The following PLEKHG1 variants were observed in gnomAD, a reference collection of about 807,000 sequenced individuals.
PLEKHG1 encodes pleckstrin homology and RhoGEF domain containing G1, also known as pleckstrin homology domain-containing family G member 1.
A neutral mutation model predicts 100.8 loss-of-function variants in PLEKHG1; 44 were observed. The observed-to-expected ratio is 0.44, with a 90% CI of 0.34 to 0.56. The LOEUF (loss-of-function observed/expected upper bound fraction) is 0.56, where lower values mean the gene tolerates loss of function less well. PLEKHG1 is among the 20% of genes least tolerant of loss of function. The pLI is 0.01. For missense variants in PLEKHG1, 1,545 were observed against 1,720.9 expected (o/e 0.90, Z 1.81); for synonymous variants, 640 against 662.5 (o/e 0.97, Z 0.52).
At chr6:150,773,808 T>C (rs1346572222) in intron 3 of PLEKHG1, among the ~76,000 whole-genome samples, 1 of 152,258 alleles carries the variant, frequency 6.6e-6, no homozygotes, top group African/African-American at 2.4e-5. Context: ...ATCTTTACAT[T>C]ACTGTCATCC....
chr6:150,806,836 A>C (rs1050710298), intron 7 of PLEKHG1, among the ~76,000 whole-genome samples: 7 of 138,716 alleles, frequency 5.0e-5, no homozygotes, highest in Non-Finnish European at 1.1e-4. Context: ...TCTCAAAAAA[A>C]AAAAAAAAAA....
chr6:150,650,898 C>T (rs1778702837), intron 3 of PLEKHG1, 112 bp downstream of exon 2: 1 of 152,154 alleles, frequency 6.6e-6, no homozygotes, highest in African/African-American at 2.4e-5. Context: ...CTGTAAGTCA[C>T]ATTTTTCGAT....
At chr6:150,732,046 C>T (rs888679736) in intron 1 of PLEKHG1, among the ~76,000 whole-genome samples, 2 of 150,568 alleles carry the variant, frequency 1.3e-5, no homozygotes, top group Admixed American at 6.7e-5. Context: ...ACTGCAAGCT[C>T]CGCCTCCCGG....
chr6:150,685,360 CA>C (rs1780082500), intron 3 of PLEKHG1, among the ~76,000 whole-genome samples: 1 of 152,132 alleles, frequency 6.6e-6, no homozygotes, highest in African/African-American at 2.4e-5. Flanking sequence ...CCCTGAGCAG[CA>C]ATCCGCTGAA....
intron 3 of PLEKHG1, among the ~76,000 whole-genome samples, chr6:150,710,440 C>A (rs1025164921): frequency 6.6e-6 from 1 of 152,054 alleles, no homozygotes; most frequent in Non-Finnish European, 1.5e-5. Context: ...ATAACCACAC[C>A]TTTTAAGGAC....
chr6:150,713,414 G>C (rs1027644527), intron 3 of PLEKHG1, among the ~76,000 whole-genome samples: 2 of 152,164 alleles, frequency 1.3e-5, no homozygotes, highest in African/African-American at 4.8e-5. Context: ...ACTTGGTACA[G>C]GAGACCAAGT....
chr6:150,701,437 AT>A lies in PLEKHG1; in HGVS notation c.-98-32146del, dbSNP rs1780775131. On this transcript the variant is annotated intron_variant, in intron 3 of 3. Coordinates refer to the PLEKHG1 transcript ENST00000367326. ...ATTCTTTATATATATATATATATAT[AT>A]ATATATATATATATATATATATATA... is the stretch of plus-strand genomic sequence containing the variant. Among the ~76,000 whole-genome samples the A allele has an allele frequency of 7.4e-5, 5 of 67,794 alleles. 1 individual carries two copies. Among genetic ancestry groups the A allele is most frequent in the African/African-American group, 6.9e-4 (5 of 7,252 alleles). The allele number at this position is 67,794 out of a possible 152,430, so 44.5% of individuals were successfully genotyped here.
At chr6:150,740,539 C>T (rs753610696) in intron 2 of PLEKHG1, among the ~76,000 whole-genome samples, 26 of 152,198 alleles carry the variant, frequency 1.7e-4, no homozygotes, top group Non-Finnish European at 3.8e-4. Context: ...TTATTGGACA[C>T]TTCTTACAAG....
At chr6:150,748,405 G>A (rs1425123033) in intron 2 of PLEKHG1, among the ~76,000 whole-genome samples, 1 of 145,164 alleles carries the variant, frequency 6.9e-6, no homozygotes, top group Non-Finnish European at 1.5e-5. Context: ...AGAGTAAGGA[G>A]TGTTTTATTT....
chr6:150,777,174 C>T (rs13203178), intron 3 of PLEKHG1, among the ~76,000 whole-genome samples: 16 of 136,142 alleles, frequency 1.2e-4, no homozygotes, highest in East Asian at 9.5e-4. Flanking sequence ...GCAATCCTGG[C>T]GTACATGTGC....
chr6:150,639,582 A>C (rs1353237965), intron 2 of PLEKHG1, among the ~76,000 whole-genome samples: 1 of 151,954 alleles, frequency 6.6e-6, no homozygotes, highest in African/African-American at 2.4e-5. Context: ...TTTTGCAGTT[A>C]GTATTTCAAT....
At chr6:150,653,596 CA>C (rs1778840015) in intron 3 of PLEKHG1, among the ~76,000 whole-genome samples, 1 of 151,962 alleles carries the variant, frequency 6.6e-6, no homozygotes, top group South Asian at 2.1e-4. Flanking sequence ...GCAAAAAATA[CA>C]AAACTCAGCT....
chr6:150,816,071 C>T (rs536186425), intron 10 of PLEKHG1, among the ~76,000 whole-genome samples: 126 of 152,220 alleles, frequency 8.3e-4, no homozygotes, highest in African/African-American at 2.8e-3. Context: ...TCAGTGGGAG[C>T]CCTGAGCTTG....
exon 16 of PLEKHG1, chr6:150,841,014 A>T (rs779974754): frequency 6.1e-6 from 5 of 815,522 alleles, no homozygotes; most frequent in Admixed American, 1.9e-5. Flanking sequence ...CCAGAGGTGT[A>T]AAATATACTT....
At chr6:150,667,729 G>A (rs1779450818) in intron 3 of PLEKHG1, among the ~76,000 whole-genome samples, 1 of 152,178 alleles carries the variant, frequency 6.6e-6, no homozygotes, top group South Asian at 2.1e-4. Context: ...TATGCTGCTA[G>A]AGAACTTTTA....
At chr6:150,841,309 A>G in exon 16 of PLEKHG1, 1 of 274,384 alleles carries the variant, frequency 3.6e-6, no homozygotes, top group Non-Finnish European at 7.1e-6. Context: ...TTAAAAGGCA[A>G]CGAAAGCTGT....
intron 15 of PLEKHG1, among the ~76,000 whole-genome samples, chr6:150,837,117 C>T (rs1777267469): frequency 6.6e-6 from 1 of 152,012 alleles, no homozygotes; most frequent in Non-Finnish European, 1.5e-5. Context: ...AGCCAAGATC[C>T]TGCCACTGCA....
chr6:150,740,469 A>G (rs187496173), intron 2 of PLEKHG1, among the ~76,000 whole-genome samples: 5 of 152,254 alleles, frequency 3.3e-5, no homozygotes, highest in Non-Finnish European at 5.9e-5. Flanking sequence ...CGCAGATTTT[A>G]TTGTCTTTTT....
At chr6:150,750,329 C>A (rs1215069486) in intron 2 of PLEKHG1, among the ~76,000 whole-genome samples, 2 of 152,114 alleles carry the variant, frequency 1.3e-5, no homozygotes, top group Non-Finnish European at 2.9e-5. Flanking sequence ...ATGGGAGTCA[C>A]CTGGGGAGCT....
Sources: allele counts gnomAD v4.1 joint callset (sites outside exome capture counted in the v4.1 genomes callset), GRCh38; gene constraint gnomAD v4.1.1; transcripts MANE v1.5; gene names NCBI Gene and HGNC (gene_info 2026-07-23, HGNC 2026-07-21).